Variants in IFT74 observed in about 807,000 individuals in gnomAD.
IFT74 encodes the protein intraflagellar transport 74, also known as intraflagellar transport protein 74 homolog.
A neutral mutation model predicts 96.7 loss-of-function variants in IFT74; 92 were observed. That is an observed-to-expected ratio of 0.95 (90% CI 0.80 to 1.13). IFT74 has a LOEUF of 1.13. IFT74 is among the 50% of genes most tolerant of loss of function. The pLI, the probability that IFT74 is intolerant of heterozygous loss-of-function variation, is 0.00. For synonymous variants in IFT74, 223 were observed against 213.2 expected (o/e 1.05, Z -0.40); for missense variants, 811 against 698.2 (o/e 1.16, Z -1.82).
chr9:27,017,099 G>A (rs1333104842), intron 11 of IFT74, 49 bp downstream of exon 11: 9 of 1,501,294 alleles, frequency 6.0e-6, no homozygotes, highest in African/African-American at 2.8e-5. Flanking sequence ...TTTGGTACAT[G>A]TATTGATTTG....
At chr9:26,951,343 A>G (rs920519871) in intron 1 of IFT74, among the ~76,000 whole-genome samples, 1 of 152,210 alleles carries the variant, frequency 6.6e-6, no homozygotes, top group Non-Finnish European at 1.5e-5. Context: ...CAGGGATGGT[A>G]TTTGGCTTGT....
chr9:26,985,377 C>G (rs745825468), intron 6 of IFT74, among the ~76,000 whole-genome samples: 1 of 152,094 alleles, frequency 6.6e-6, no homozygotes, highest in Non-Finnish European at 1.5e-5. Flanking sequence ...AAATAATCTG[C>G]ACAACAAACC....
chr9:27,054,726 GCC>G (rs1314363127), intron 16 of IFT74, among the ~76,000 whole-genome samples: 2 of 152,164 alleles, frequency 1.3e-5, no homozygotes, highest in Non-Finnish European at 1.5e-5. Context: ...CATGCACATT[GCC>G]AACAGAAGTT....
intron 1 of IFT74, among the ~76,000 whole-genome samples, chr9:26,957,962 C>A (rs1170034149): frequency 6.6e-6 from 1 of 151,984 alleles, no homozygotes; most frequent in African/African-American, 2.4e-5. Context: ...ACTATGTTAG[C>A]CAGGATGGTC....
intron 18 of IFT74, among the ~76,000 whole-genome samples, chr9:27,058,410 A>G (rs1195739062): frequency 1.4e-5 from 2 of 148,040 alleles, no homozygotes. Flanking sequence ...TTTGAGACGA[A>G]GTTTTGCTCT....
At chr9:26,963,955 C>T (rs1026071797) in intron 2 of IFT74, among the ~76,000 whole-genome samples, 3 of 151,862 alleles carry the variant, frequency 2.0e-5, no homozygotes, top group African/African-American at 7.3e-5. Context: ...TGTGCAGAAG[C>T]TCTTTAGTTT....
chr9:26,965,614 G>A (rs1826575512), intron 2 of IFT74, among the ~76,000 whole-genome samples: 1 of 151,888 alleles, frequency 6.6e-6, no homozygotes, highest in African/African-American at 2.4e-5. Flanking sequence ...TATTTGCCAG[G>A]CACGTTATCT....
In IFT74 at chr9:27,029,072, G is replaced by A; in HGVS notation, c.1022G>A (p.Arg341Lys). 4 of 1,601,910 alleles carry A rather than the reference G, an allele frequency of 2.5e-6. No homozygotes were observed. The highest frequency in any genetic ancestry group is 3.4e-6 in the Non-Finnish European group (4 of 1,173,958). Residue 341 changes from arginine to lysine, a missense_variant, in exon 13 of 20, where the codon AGA (arginine) becomes AAA (lysine). Physicochemically the swap from Arg to Lys is conservative, Grantham distance 26. Coordinates refer to ENST00000380062, the MANE Select transcript of IFT74 (RefSeq NM_025103.4). ...EKINQFIEEIRQLDMDLEEHQ... is the reference protein window; with the variant it reads ...EKINQFIEEIKQLDMDLEEHQ... ...ATAAATCAGTTTATTGAAGAAATTA[G>A]ACAACTTGACATGGATTTAGAGGAA...
At chr9:26,980,530 ATTT>A in intron 3 of IFT74, 38 bp from the exon 4 acceptor site, 1 of 1,290,982 alleles carries the variant, frequency 7.7e-7, no homozygotes, top group Middle Eastern at 1.9e-4. Flanking sequence ...TTCTGGTGGC[ATTT>A]CGAACTGAAC....
upstream of IFT74, among the ~76,000 whole-genome samples, chr9:26,952,935 CTGACTAGTCAAATGAT>C (rs1367511156): frequency 4.6e-5 from 7 of 152,092 alleles, no homozygotes; most frequent in African/African-American, 1.7e-4. Context: ...AAAGCAGCAG[CTGACTAGTCAAATGAT>C]TAAAGTTAAA....
chr9:27,047,057 C>T (rs571371583), intron 14 of IFT74, among the ~76,000 whole-genome samples: 1 of 152,136 alleles, frequency 6.6e-6, no homozygotes, highest in Admixed American at 6.5e-5. Flanking sequence ...CCTGTAGTCC[C>T]AGCTACTCAG....
intron 1 of IFT74, among the ~76,000 whole-genome samples, chr9:26,948,445 A>ATTTTTTTTTTTTTTTTTTT (rs1554662864): frequency 2.1e-5 from 1 of 47,312 alleles, no homozygotes; most frequent in African/African-American, 5.9e-5. Context: ...ATGGCTTTCC[A>ATTTTTTTTTTTTTTTTTTT]TTATTTTTTT....
intron 1 of IFT74, among the ~76,000 whole-genome samples, chr9:26,948,456 T>A (rs1361634758): frequency 0.024 from 988 of 40,964 alleles, 23 homozygotes; most frequent in South Asian, 0.076. Flanking sequence ...TTATTTTTTT[T>A]TTTTTTTTTT....
chr9:27,047,123 G>C lies in IFT74; in HGVS notation c.1109-151G>C, dbSNP rs563102137. The C allele has an allele frequency of 2.3e-5, 11 of 480,294 alleles. No individual in the cohort carries two copies. In the East Asian group the frequency reaches 4.5e-4, roughly 20 times the overall value. 29.8% of individuals were successfully genotyped at this position (480,294 alleles called of 1,614,324 possible). ...AGAGGTGGAGGTTGCAGTGAGCCGA[G>C]ATCGTGCCACTGCACTCCAGCCTGG... On this transcript the variant is annotated intron_variant, in intron 14 of 19. Coordinates refer to ENST00000380062, the MANE Select transcript of IFT74 (RefSeq NM_025103.4).
At chr9:27,010,763 C>T (rs1039384388) in intron 9 of IFT74, among the ~76,000 whole-genome samples, 6 of 152,006 alleles carry the variant, frequency 3.9e-5, no homozygotes, top group Non-Finnish European at 8.8e-5. Flanking sequence ...CCACTGTGCC[C>T]GGCCGAGATC....
At chr9:26,969,634 A>G (rs1826796375) in intron 2 of IFT74, among the ~76,000 whole-genome samples, 1 of 152,020 alleles carries the variant, frequency 6.6e-6, no homozygotes, top group African/African-American at 2.4e-5. Context: ...TTTAAGTTGT[A>G]TAAATTATGT....
intron 13 of IFT74, chr9:27,036,367 C>T: frequency 6.7e-7 from 1 of 1,496,234 alleles, no homozygotes; most frequent in South Asian, 1.3e-5. Flanking sequence ...TAGTTTAAAA[C>T]ATTAAGCTTA....
intron 2 of IFT74, among the ~76,000 whole-genome samples, chr9:26,970,320 A>G (rs1192063436): frequency 6.6e-6 from 1 of 152,142 alleles, no homozygotes; most frequent in Non-Finnish European, 1.5e-5. Context: ...TATCAACTGT[A>G]TCTTCTAGAC....
At chr9:27,013,091 T>C (rs1477469686) in intron 10 of IFT74, among the ~76,000 whole-genome samples, 1 of 152,166 alleles carries the variant, frequency 6.6e-6, no homozygotes, top group Non-Finnish European at 1.5e-5. Flanking sequence ...ACTGTATGCT[T>C]TTTTGAGCTG....
Sources: allele counts gnomAD v4.1 joint callset (sites outside exome capture counted in the v4.1 genomes callset), GRCh38; gene constraint gnomAD v4.1.1; transcripts MANE v1.5; gene names NCBI Gene and HGNC (gene_info 2026-07-23, HGNC 2026-07-21).